DCHS2: variants seen among roughly 807,000 people sequenced by gnomAD.
DCHS2 encodes protocadherin-23.
A neutral mutation model predicts 182.4 loss-of-function variants in DCHS2; 142 were observed. The ratio of observed to expected loss-of-function variants is 0.78; its 90% confidence interval spans 0.68 to 0.89. The LOEUF (loss-of-function observed/expected upper bound fraction) is 0.89. Ranked by LOEUF, DCHS2 falls within the 40% of genes least tolerant of loss-of-function variation. The pLI, the probability that DCHS2 is intolerant of heterozygous loss-of-function variation, is 0.00. For missense variants in DCHS2, 4,319 were observed against 4,198.6 expected, an observed-to-expected ratio of 1.03 and a Z score of -0.79; for synonymous variants, 1,740 against 1,663.3, an observed-to-expected ratio of 1.05 and a Z score of -1.12.
intron 13 of DCHS2, among the ~76,000 whole-genome samples, chr4:154,293,387 G>A (rs1483279444): frequency 6.6e-6 from 1 of 152,018 alleles, no homozygotes; most frequent in Non-Finnish European, 1.5e-5. Flanking sequence ...TCTCCATGTT[G>A]GTCAGGCTGG....
At chr4:154,391,296 A>G in intron 1 of DCHS2, 1 of 1,586,418 alleles carries the variant, frequency 6.3e-7, no homozygotes, top group Non-Finnish European at 8.6e-7. Flanking sequence ...ATCCAGTCTC[A>G]TGATTTTAAA....
At chr4:154,377,591 G>T (rs372835486) in intron 1 of DCHS2, 147 bp from the exon 2 acceptor site, 2 of 597,014 alleles carry the variant, frequency 3.4e-6, no homozygotes, top group East Asian at 2.9e-5. Flanking sequence ...CTCTCTCCTC[G>T]CTTACCTTCT....
chr4:154,461,356 TA>T (rs1452185448), intron 1 of DCHS2, among the ~76,000 whole-genome samples: 1 of 152,308 alleles, frequency 6.6e-6, no homozygotes, highest in Non-Finnish European at 1.5e-5. Context: ...TATAGCTTTT[TA>T]AAAAAATAAT....
At chr4:154,463,360 A>G (rs772740065) in intron 1 of DCHS2, among the ~76,000 whole-genome samples, 15 of 152,066 alleles carry the variant, frequency 9.9e-5, no homozygotes, top group Admixed American at 3.3e-4. Context: ...AAGATCCCCA[A>G]CTATTAATTT....
At chr4:154,411,720 C>A (rs1732641886) in intron 1 of DCHS2, among the ~76,000 whole-genome samples, 1 of 152,120 alleles carries the variant, frequency 6.6e-6, no homozygotes, top group African/African-American at 2.4e-5. Context: ...GCTGCTCTTG[C>A]CACCAGGTGA....
chr4:154,385,412 T>A (rs1251092267), intron 1 of DCHS2, among the ~76,000 whole-genome samples: 1 of 152,188 alleles, frequency 6.6e-6, no homozygotes, highest in African/African-American at 2.4e-5. Flanking sequence ...TATAGCAGCA[T>A]GTTTATAATC....
In DCHS2 at chr4:154,234,353, T is replaced by TAA. The variant is rs1337405680; in HGVS notation, c.*181_*182dup. 2 of 811,408 alleles carry TAA rather than the reference T, an allele frequency of 2.5e-6. No homozygotes were observed. Among genetic ancestry groups the TAA allele is most frequent in the Non-Finnish European group, 3.7e-6 (2 of 544,392 alleles). The allele number at this position is 811,408 out of a possible 1,614,324, so 50.3% of individuals were successfully genotyped here. On this transcript the variant is annotated 3_prime_UTR_variant, in exon 20 of 20. Coordinates refer to ENST00000357232, the MANE Select transcript of DCHS2 (RefSeq NM_001358235.2). Reference sequence around the variant, plus strand: ...AACACATAAGGATTAAAAGAGGAAATAACTTTTCATTAAGGCTGGAAGAAA... The same window carrying TAA: ...AACACATAAGGATTAAAAGAGGAAATAAAACTTTTCATTAAGGCTGGAAGAAA...
chr4:154,320,811 A>G lies in DCHS2; in HGVS notation c.4588T>C (p.Tyr1530His). 6.2e-7 allele frequency: 1 copy of G among 1,614,128 alleles called. No homozygotes were observed. Among genetic ancestry groups the G allele is most frequent in the African/African-American group, 1.3e-5 (1 of 75,044 alleles). Residue 1530 changes from tyrosine to histidine, a missense_variant, in exon 9 of 20, where the codon TAT becomes CAT. Tyr to His is a moderately conservative substitution (Grantham distance 83). Coordinates refer to ENST00000357232, the MANE Select transcript of DCHS2 (RefSeq NM_001358235.2). ...TCATCATCTTTGGCATTGAAGACAT[A>G]CACCAGGGTTCCTATGGGAACATTC... ...EENVPIGTLV[Y>H]VFNAKDDDGS...
At chr4:154,430,313 C>A (rs1733506964) in intron 1 of DCHS2, among the ~76,000 whole-genome samples, 1 of 152,128 alleles carries the variant, frequency 6.6e-6, no homozygotes. Flanking sequence ...CAGAGTCCAA[C>A]TGAGAACTTC....
chr4:154,323,262 T>C, intron 7 of DCHS2: 2 of 1,550,484 alleles, frequency 1.3e-6, no homozygotes, highest in Non-Finnish European at 1.7e-6. Flanking sequence ...TGTTTGTTTG[T>C]TTGTTTGTTT....
At chr4:154,241,440 C>CA (rs1356747402) in intron 17 of DCHS2, among the ~76,000 whole-genome samples, 20 of 151,944 alleles carry the variant, frequency 1.3e-4, no homozygotes, top group Admixed American at 1.3e-3. Flanking sequence ...TATTATTCAC[C>CA]AAAAAATTAC....
chr4:154,336,588 C>CT (rs1423543414), intron 3 of DCHS2, among the ~76,000 whole-genome samples: 2 of 152,082 alleles, frequency 1.3e-5, no homozygotes, highest in African/African-American at 4.8e-5. Flanking sequence ...TGATTTCTTC[C>CT]TTTTTTATAT....
intron 14 of DCHS2, among the ~76,000 whole-genome samples, chr4:154,261,489 A>G (rs1732982085): frequency 1.3e-5 from 2 of 152,198 alleles, no homozygotes; most frequent in African/African-American, 4.8e-5. Flanking sequence ...TACTGGAACT[A>G]TGTTCCGTAA....
chr4:154,443,136 T>C (rs1734107663), intron 1 of DCHS2, among the ~76,000 whole-genome samples: 1 of 152,066 alleles, frequency 6.6e-6, no homozygotes, highest in East Asian at 1.9e-4. Context: ...AATTCCATGG[T>C]CCACTGTTAA....
intron 1 of DCHS2, among the ~76,000 whole-genome samples, chr4:154,464,977 C>T (rs370955343): frequency 3.9e-4 from 60 of 152,310 alleles, no homozygotes; most frequent in African/African-American, 1.4e-3. Flanking sequence ...AGTGTTAGCA[C>T]CCCCAGGCAA....
At chr4:154,263,686 GAAA>G (rs200534854) in intron 14 of DCHS2, among the ~76,000 whole-genome samples, 5 of 103,944 alleles carry the variant, frequency 4.8e-5, no homozygotes, top group Admixed American at 1.0e-4. Context: ...GGCCATTATT[GAAA>G]AAAAAAAAAA....
At chr4:154,341,712 A>G (rs910133229) in intron 3 of DCHS2, among the ~76,000 whole-genome samples, 1 of 152,184 alleles carries the variant, frequency 6.6e-6, no homozygotes, top group African/African-American at 2.4e-5. Context: ...AAACCTGTCC[A>G]TCAATTACTA....
At chr4:154,269,223 C>T (rs761281624) in intron 14 of DCHS2, 2 of 152,196 alleles carry the variant, frequency 1.3e-5, no homozygotes, top group African/African-American at 2.4e-5. Flanking sequence ...GCTCTCAATT[C>T]TTCCCAGGTG....
At chr4:154,357,752 G>A (rs1428656028) in intron 3 of DCHS2, among the ~76,000 whole-genome samples, 1 of 152,064 alleles carries the variant, frequency 6.6e-6, no homozygotes, top group African/African-American at 2.4e-5. Context: ...CTTGCAGTAT[G>A]GCCCTTTCTG....
Sources: allele counts gnomAD v4.1 joint callset (sites outside exome capture counted in the v4.1 genomes callset), GRCh38; gene constraint gnomAD v4.1.1; transcripts MANE v1.5; gene names NCBI Gene and HGNC (gene_info 2026-07-23, HGNC 2026-07-21).